Variants in ITPR2 observed in about 807,000 individuals in gnomAD.
ITPR2 encodes inositol 1,4,5-trisphosphate-gated calcium channel ITPR2.
In ITPR2, 207 loss-of-function variants were observed where a neutral mutation model predicts 317.1. The ratio of observed to expected loss-of-function variants is 0.65; its 90% confidence interval spans 0.58 to 0.73. The LOEUF (loss-of-function observed/expected upper bound fraction) is 0.73. ITPR2 is among the 30% of genes least tolerant of loss of function. The pLI is 0.00. For missense variants in ITPR2, 2,613 were observed against 3,284.0 expected, an observed-to-expected ratio of 0.80 and a Z score of 4.99; for synonymous variants, 1,156 against 1,149.1, an observed-to-expected ratio of 1.01 and a Z score of -0.12.
At chr12:26,768,390 T>C (rs1480742769) in intron 2 of ITPR2, among the ~76,000 whole-genome samples, 1 of 141,944 alleles carries the variant, frequency 7.0e-6, no homozygotes, top group Non-Finnish European at 1.5e-5. Context: ...AATGTGCACA[T>C]GTACCCTAAA....
chr12:26,494,683 T>C (rs1942891735), intron 38 of ITPR2, among the ~76,000 whole-genome samples: 2 of 148,836 alleles, frequency 1.3e-5, no homozygotes, highest in Admixed American at 6.8e-5. Flanking sequence ...GGCAGGAGAA[T>C]TGCTTGAACC....
rs1230040116 is a variant in ITPR2 at position 26,622,416 on chromosome 12, A to G, written c.3123-11T>C. ...GGATTTTTTTCTTTTCTATAAAACC[A>G]AAAACATTTCTAAAGTGACTCCTAT... On this transcript the variant is annotated splice_polypyrimidine_tract_variant and intron_variant, in intron 24 of 56. Transcript: ENST00000381340. 2 of 1,588,368 alleles carry G rather than the reference A, an allele frequency of 1.3e-6. No individual in the cohort carries two copies. The highest frequency in any genetic ancestry group is 1.8e-5 in the Admixed American group (1 of 55,786).
intron 50 of ITPR2, 128 bp downstream of exon 50, chr12:26,418,921 C>T: frequency 1.3e-6 from 1 of 758,826 alleles, no homozygotes; most frequent in Non-Finnish European, 1.9e-6. Flanking sequence ...CTAGGAAATT[C>T]TAAAAATAAC....
At chr12:26,830,293 T>C (rs542100525) in intron 1 of ITPR2, among the ~76,000 whole-genome samples, 1 of 152,220 alleles carries the variant, frequency 6.6e-6, no homozygotes, top group Non-Finnish European at 1.5e-5. Context: ...ACTCAGTTCA[T>C]TAATAGAAAA....
chr12:26,544,456 GA>G (rs549375983), intron 37 of ITPR2, among the ~76,000 whole-genome samples: 2 of 151,854 alleles, frequency 1.3e-5, no homozygotes, highest in South Asian at 4.2e-4. Context: ...ACAAACTCGG[GA>G]AATTTAGAAT....
chr12:26,705,402 T>C (rs1337052583), intron 9 of ITPR2, among the ~76,000 whole-genome samples: 1 of 152,190 alleles, frequency 6.6e-6, no homozygotes, highest in East Asian at 1.9e-4. Context: ...TTCAGCCCAT[T>C]TGATTTTCCA....
intron 39 of ITPR2, among the ~76,000 whole-genome samples, chr12:26,493,416 G>A (rs1040426523): frequency 1.3e-5 from 2 of 152,108 alleles, no homozygotes; most frequent in African/African-American, 4.8e-5. Flanking sequence ...TTTCTTTACT[G>A]ACCAAGGCAA....
At chr12:26,388,722 A>G (rs1022944753) in intron 54 of ITPR2, among the ~76,000 whole-genome samples, 3 of 152,296 alleles carry the variant, frequency 2.0e-5, no homozygotes, top group Admixed American at 1.3e-4. Context: ...CAATAAGTAA[A>G]AAATCTGTCC....
intron 32 of ITPR2, among the ~76,000 whole-genome samples, chr12:26,583,632 T>C (rs78253514): frequency 0.064 from 9,685 of 152,238 alleles, 432 homozygotes; most frequent in Middle Eastern, 0.14. Flanking sequence ...TTCTGATTAA[T>C]TTTTCTCCAT....
chr12:26,437,566 A>T (rs1315076960), intron 47 of ITPR2, among the ~76,000 whole-genome samples: 1 of 152,226 alleles, frequency 6.6e-6, no homozygotes, highest in Non-Finnish European at 1.5e-5. Flanking sequence ...TGTATTTGTA[A>T]TAACAAATTC....
chr12:26,760,026 T>C (rs1329748252), intron 2 of ITPR2, among the ~76,000 whole-genome samples: 2 of 152,240 alleles, frequency 1.3e-5, no homozygotes, highest in African/African-American at 2.4e-5. Flanking sequence ...TAAAATGCTA[T>C]AGTATTTGCA....
intron 9 of ITPR2, among the ~76,000 whole-genome samples, chr12:26,702,600 G>A (rs970086551): frequency 4.0e-5 from 6 of 151,644 alleles, no homozygotes; most frequent in East Asian, 1.9e-4. Context: ...CACCATGCCC[G>A]GTTTATTTTT....
chr12:26,704,690 A>G (rs554723308), intron 9 of ITPR2, among the ~76,000 whole-genome samples: 2 of 152,306 alleles, frequency 1.3e-5, no homozygotes, highest in African/African-American at 4.8e-5. Flanking sequence ...CATACCTCTC[A>G]TGTACAAGGT....
chr12:26,425,072 A>G (rs1941015515), intron 49 of ITPR2, among the ~76,000 whole-genome samples: 1 of 151,822 alleles, frequency 6.6e-6, no homozygotes, highest in Non-Finnish European at 1.5e-5. Context: ...TGAACTTGTT[A>G]TGTTAAAAAT....
intron 1 of ITPR2, among the ~76,000 whole-genome samples, chr12:26,816,480 T>A (rs571531461): frequency 6.6e-6 from 1 of 152,284 alleles, no homozygotes; most frequent in South Asian, 2.1e-4. Flanking sequence ...CAAAAGCCCA[T>A]GTTAACTATA....
intron 21 of ITPR2, chr12:26,648,782 T>C (rs573460866): frequency 6.6e-6 from 1 of 152,300 alleles, no homozygotes; most frequent in East Asian, 1.9e-4. Flanking sequence ...ATTTCCTCTC[T>C]GGCATCGACC....
chr12:26,831,366 G>A lies in ITPR2; in HGVS notation c.92+1324C>T, dbSNP rs1011793343. ...CTGTGGAAGTACTGGTGACTTCCAC[G>A]TCCCAGTGCTTGGTAGGCAGCAGTC... is the stretch of plus-strand genomic sequence containing the variant. On this transcript the variant is annotated intron_variant, in intron 1 of 56. Coordinates refer to ENST00000381340, the MANE Select transcript of ITPR2 (RefSeq NM_002223.4). The surrounding 1 kb of genome is among the most constrained non-coding windows in gnomAD (Gnocchi z 4.9). Among the ~76,000 whole-genome samples, 4 of 152,090 alleles carry A rather than the reference G, an allele frequency of 2.6e-5. No homozygotes were observed. Among genetic ancestry groups the A allele is most frequent in the Admixed American group, 6.5e-5 (1 of 15,272 alleles).
At chr12:26,599,762 C>T (rs544405963) in intron 29 of ITPR2, among the ~76,000 whole-genome samples, 37 of 151,762 alleles carry the variant, frequency 2.4e-4, no homozygotes, top group African/African-American at 7.5e-4. Flanking sequence ...TAACTATATA[C>T]GTATAAAATA....
intron 55 of ITPR2, among the ~76,000 whole-genome samples, chr12:26,347,792 G>A (rs1938354373): frequency 6.6e-6 from 1 of 152,194 alleles, no homozygotes; most frequent in Non-Finnish European, 1.5e-5. Flanking sequence ...AAACCCTCTA[G>A]GTATGGTATC....
Sources: gnomAD v4.1 joint callset for allele counts (sites outside exome capture counted in the v4.1 genomes callset) on GRCh38, gnomAD v4.1.1 for gene constraint, Gnocchi (gnomAD v3.1) non-coding constraint, MANE v1.5 for transcripts, NCBI Gene and HGNC (gene_info 2026-07-23, HGNC 2026-07-21) for gene names.